ASCC1: variants seen among roughly 807,000 people sequenced by gnomAD.
ASCC1 encodes the protein activating signal cointegrator 1 complex subunit 1.
A neutral mutation model predicts 46.6 loss-of-function variants in ASCC1; 35 were observed. The observed-to-expected ratio is 0.75, with a 90% CI of 0.57 to 0.99. The LOEUF (loss-of-function observed/expected upper bound fraction) is 0.99. Among genes scored for constraint, ASCC1 ranks in the 50% least tolerant of loss-of-function variants. ASCC1 has a pLI of 0.00. For synonymous variants in ASCC1, 143 were observed against 146.6 expected (o/e 0.98, Z 0.18); for missense variants, 376 against 428.7 (o/e 0.88, Z 1.09).
upstream of ASCC1, chr10:72,217,105 G>C (rs1042391305): frequency 2.2e-6 from 1 of 453,286 alleles, no homozygotes; most frequent in African/African-American, 2.0e-5. Context: ...CACTGCCCCA[G>C]GTTCTGTGCT....
rs536547385 is a variant in ASCC1, at chr10:72,147,232, T to C, written c.746+5637A>G. Among the ~76,000 whole-genome samples, 6 of 152,012 alleles carry C rather than the reference T, an allele frequency of 3.9e-5. No homozygotes were observed. In the East Asian group the frequency reaches 9.6e-4, roughly 24 times the overall value. On this transcript the variant is annotated intron_variant, in intron 7 of 9. Coordinates refer to ENST00000672957, the MANE Select transcript of ASCC1 (RefSeq NM_001198800.3). ...AAATGTTCTTGGTTGATTGCACTAG[T>C]GGATTCAGTGGATATTTCACAACAC...
rs200618364 is a variant in ASCC1 at position 72,141,098 on chromosome 10, C to T, written c.747-7917G>A. 1.0e-3 allele frequency among the ~76,000 whole-genome samples: 136 copies of T among 134,558 alleles called. 2 individuals carry two copies. Among genetic ancestry groups the T allele is most frequent in the African/African-American group, 3.6e-3 (131 of 36,586 alleles). The allele number at this position is 134,558 out of a possible 152,430, so 88.3% of individuals were successfully genotyped here. A position where few individuals can be genotyped will look rare whatever the true frequency, so the allele number is the denominator to read the frequency against. The stretch of plus-strand genomic sequence containing the variant: ...ATAGATAGATAGATATAGATATAGA[C>T]ATAGAGATATAGATATACAGATATA... On this transcript the variant is annotated intron_variant, in intron 7 of 9. Coordinates refer to ENST00000672957, the MANE Select transcript of ASCC1 (RefSeq NM_001198800.3).
intron 5 of ASCC1, chr10:72,190,560 T>A: frequency 7.1e-7 from 1 of 1,405,070 alleles, no homozygotes; most frequent in East Asian, 2.3e-5. Flanking sequence ...ACTCTCCAGC[T>A]CCACCATTAT....
At chr10:72,163,095 A>C (rs946477900) in intron 5 of ASCC1, among the ~76,000 whole-genome samples, 1 of 152,178 alleles carries the variant, frequency 6.6e-6, no homozygotes, top group African/African-American at 2.4e-5. Flanking sequence ...CACACCCACT[A>C]AAAATCAAAA....
rs34656757 is a variant in ASCC1 at position 72,162,942 on chromosome 10, C to CAAAAAA, written c.490-1274_490-1269dup. Reference sequence around the variant, plus strand: ...TGGGTGACAAAGTGAGACTCTGTCTCAAAAAAAAAGGAAAAGGACTGGAAT... The same window carrying CAAAAAA: ...TGGGTGACAAAGTGAGACTCTGTCTCAAAAAAAAAAAAAAAGGAAAAGGACTGGAAT... On this transcript the variant is annotated intron_variant, in intron 5 of 9. Coordinates refer to ENST00000672957, the MANE Select transcript of ASCC1 (RefSeq NM_001198800.3). Among the ~76,000 whole-genome samples, 2 of 143,656 alleles carry CAAAAAA rather than the reference C, an allele frequency of 1.4e-5. 1 individual carries two copies. The highest frequency in any genetic ancestry group is 5.6e-5 in the African/African-American group (2 of 35,892). The allele number at this position is 143,656 out of a possible 152,430, so 94.2% of individuals were successfully genotyped here. A position where few individuals can be genotyped will look rare whatever the true frequency, so the allele number is the denominator to read the frequency against.
intron 5 of ASCC1, among the ~76,000 whole-genome samples, chr10:72,174,435 T>C (rs1249312901): frequency 6.6e-6 from 1 of 152,154 alleles, no homozygotes; most frequent in Admixed American, 6.6e-5. Flanking sequence ...TCTGCTTCCT[T>C]AAAGCTCAAC....
At chr10:72,110,268 T>C (rs969892494) in intron 9 of ASCC1, among the ~76,000 whole-genome samples, 3 of 152,122 alleles carry the variant, frequency 2.0e-5, no homozygotes, top group African/African-American at 7.2e-5. Flanking sequence ...TATTACACAG[T>C]AGAAAGGAAG....
Position 72,210,837 on chromosome 10 carries a change from C to G in ASCC1, c.113-6G>C. The G allele has an allele frequency of 6.2e-7, 1 of 1,613,028 alleles. No individual in the cohort carries two copies. Among genetic ancestry groups the G allele is most frequent in the Non-Finnish European group, 8.5e-7 (1 of 1,179,306 alleles). Reference sequence around the variant, plus strand: ...ATCAGCACACTCCATGGAGCCTGCACAGAAACCATCACATCTCACTCAGAA... The same window carrying G: ...ATCAGCACACTCCATGGAGCCTGCAGAGAAACCATCACATCTCACTCAGAA... On this transcript the variant is annotated splice_polypyrimidine_tract_variant and splice_region_variant and intron_variant, in intron 2 of 9. Transcript: ENST00000672957.
At chr10:72,204,259 ATT>A (rs936697890) in intron 3 of ASCC1, among the ~76,000 whole-genome samples, 2 of 151,458 alleles carry the variant, frequency 1.3e-5, no homozygotes, top group Non-Finnish European at 2.9e-5. Flanking sequence ...CAAAAAATAA[ATT>A]TTTTTTTCAA....
intron 6 of ASCC1, among the ~76,000 whole-genome samples, chr10:72,153,527 A>G (rs999759862): frequency 4.0e-5 from 6 of 151,484 alleles, no homozygotes; most frequent in Admixed American, 3.3e-4. Context: ...CCGGGTTCAC[A>G]CCATTCTCCT....
rs372713731 is a variant in ASCC1, at chr10:72,130,384, G to A, written c.872-2217C>T. 2.0e-5 allele frequency among the ~76,000 whole-genome samples: 3 copies of A among 152,276 alleles called. No individual in the cohort carries two copies. The East Asian group carries it at 5.8e-4, about 29-fold the overall frequency. On this transcript the variant is annotated intron_variant, in intron 8 of 9. Coordinates refer to ENST00000672957, the MANE Select transcript of ASCC1 (RefSeq NM_001198800.3). ...ATCAAGAGAGTAAATTGTAGAGTAT[G>A]TGAATTATATCTCAATAAAGCAATT...
chr10:72,202,788 C>G (rs1315720008), intron 4 of ASCC1, among the ~76,000 whole-genome samples: 7 of 152,126 alleles, frequency 4.6e-5, no homozygotes, highest in Non-Finnish European at 7.4e-5. Context: ...TTGATTTTCT[C>G]TAATTCTAAT....
intron 9 of ASCC1, among the ~76,000 whole-genome samples, chr10:72,123,214 C>T (rs1844426895): frequency 6.6e-6 from 1 of 151,804 alleles, no homozygotes; most frequent in African/African-American, 2.4e-5. Context: ...TGGCGTGTGC[C>T]TGTAGTCCCA....
rs148373391 is a variant in ASCC1 at position 72,196,863 on chromosome 10, A to G, written c.437T>C (p.Val146Ala). 4.1e-5 allele frequency: 66 copies of G among 1,613,396 alleles called. No homozygotes were observed. Among genetic ancestry groups the G allele is most frequent in the Non-Finnish European group, 5.2e-5 (61 of 1,179,998 alleles). ...FLAFFLNEVE[V>A]QEGFLRFQEE... Reference sequence around the variant, plus strand: ...CTGGAATCTCAGGAATCCTTCCTGAACCTCAACTTCATTGAGGAAAAAGGC... The same window carrying G: ...CTGGAATCTCAGGAATCCTTCCTGAGCCTCAACTTCATTGAGGAAAAAGGC... The change falls in exon 5 of 10, where the codon GTT becomes GCT. Residue 146 changes from valine (V) to alanine (A), a missense_variant. Physicochemically the swap from Val to Ala is moderately conservative, Grantham distance 64 (BLOSUM62 0). Coordinates refer to ENST00000672957, the MANE Select transcript of ASCC1 (RefSeq NM_001198800.3).
chr10:72,203,970 T>C (rs1219698552), intron 3 of ASCC1, among the ~76,000 whole-genome samples: 1 of 152,048 alleles, frequency 6.6e-6, no homozygotes, highest in East Asian at 1.9e-4. Context: ...TATTTTAGGC[T>C]GGCGGCAGTG....
chr10:72,140,138 A>G (rs1367796506), intron 7 of ASCC1, among the ~76,000 whole-genome samples: 1 of 152,254 alleles, frequency 6.6e-6, no homozygotes. Flanking sequence ...GTCATGCATT[A>G]CAAAAGGCAG....
intron 9 of ASCC1, among the ~76,000 whole-genome samples, chr10:72,098,977 A>T (rs915761010): frequency 1.3e-5 from 2 of 152,256 alleles, no homozygotes; most frequent in Non-Finnish European, 2.9e-5. Context: ...CGTCACTAAG[A>T]CTGACAGATT....
intron 9 of ASCC1, among the ~76,000 whole-genome samples, chr10:72,107,066 A>G (rs761608051): frequency 6.6e-6 from 1 of 152,226 alleles, no homozygotes; most frequent in Non-Finnish European, 1.5e-5. Context: ...GCAAAACATC[A>G]AAACAAATAA....
At chr10:72,151,092 C>T (rs554570541) in intron 7 of ASCC1, among the ~76,000 whole-genome samples, 1 of 152,362 alleles carries the variant, frequency 6.6e-6, no homozygotes, top group Admixed American at 6.5e-5. Flanking sequence ...AATCCCATTA[C>T]TGGGTATACA....
Sources: gnomAD v4.1 joint callset for allele counts (sites outside exome capture counted in the v4.1 genomes callset) on GRCh38, gnomAD v4.1.1 for gene constraint, MANE v1.5 for transcripts, NCBI Gene and HGNC (gene_info 2026-07-23, HGNC 2026-07-21) for gene names.